UBL7: variants seen among roughly 807,000 people sequenced by gnomAD.
UBL7 encodes ubiquitin like 7, also known as ubiquitin-like protein 7.
Under a neutral mutation model 41.7 loss-of-function variants are expected in UBL7, and 21 were observed. That is an observed-to-expected ratio of 0.50 (90% confidence interval 0.36 to 0.73). The LOEUF (loss-of-function observed/expected upper bound fraction) is 0.73, where lower values mean the gene tolerates loss of function less well. UBL7 is among the 30% of genes least tolerant of loss of function. The pLI is 0.00. For synonymous variants in UBL7, 157 were observed against 186.9 expected (o/e 0.84, Z 1.31); for missense variants, 403 against 478.4 (o/e 0.84, Z 1.47).
intron 3 of UBL7, among the ~76,000 whole-genome samples, chr15:74,455,585 GATA>G (rs2061286282): frequency 6.6e-6 from 1 of 152,074 alleles, no homozygotes; most frequent in Non-Finnish European, 1.5e-5. Flanking sequence ...TGAGAACAAC[GATA>G]ATAACAAAAG....
In UBL7 at chr15:74,460,927, G is replaced by A. The variant is rs913399881; in HGVS notation, c.-30+110C>T. The A allele has an allele frequency of 7.8e-6, 9 of 1,147,896 alleles. No homozygotes were observed. In the Admixed American group the frequency reaches 1.3e-4, roughly 17 times the overall value. The allele number at this position is 1,147,896 out of a possible 1,614,324, so 71.1% of individuals were successfully genotyped here. A position where few individuals can be genotyped will look rare whatever the true frequency, so the allele number is the denominator to read the frequency against. On this transcript the variant is annotated intron_variant, in intron 1 of 10. Coordinates refer to ENST00000395081, the MANE Select transcript of UBL7 (RefSeq NM_032907.5). ...ATCCTCACAACGGTTCCCTAAGGCAGGCATTAGCCACATTTTAAAGATGAG... is the reference window on the plus strand; with the variant it reads ...ATCCTCACAACGGTTCCCTAAGGCAAGCATTAGCCACATTTTAAAGATGAG...
chr15:74,450,215 G>T lies in UBL7; in HGVS notation c.531-146C>A. ...AGTCTTTAGCATCTTCCACCAGGAA[G>T]CTTTATCCTCCTGCTGATCTGCCCC... On this transcript the variant is annotated intron_variant, in intron 6 of 10. Transcript: ENST00000395081. 5.7e-6 allele frequency: 6 copies of T among 1,056,928 alleles called. No individual in the cohort carries two copies. The South Asian group carries it at 1.1e-4, about 19-fold the overall frequency. 65.5% of individuals were successfully genotyped at this position (1,056,928 alleles called of 1,614,324 possible).
chr15:74,458,993 C>G, intron 1 of UBL7, 97 bp from the exon 2 acceptor site: 1 of 1,227,954 alleles, frequency 8.1e-7, no homozygotes, highest in East Asian at 2.4e-5. Context: ...TTCAATGTGA[C>G]ACTGTTGAAG....
At chr15:74,448,965 A>AG (rs2061213362) in intron 9 of UBL7, among the ~76,000 whole-genome samples, 2 of 152,256 alleles carry the variant, frequency 1.3e-5, no homozygotes, top group African/African-American at 2.4e-5. Context: ...CTGAACTAAT[A>AG]GGGGGGACTA....
intron 10 of UBL7, among the ~76,000 whole-genome samples, chr15:74,447,619 A>G (rs555958365): frequency 6.6e-6 from 1 of 152,262 alleles, no homozygotes; most frequent in East Asian, 1.9e-4. Context: ...AGGTGGGAGG[A>G]TCACCTGAGC....
In UBL7 at chr15:74,456,633, T is replaced by C. The variant is rs778056476; in HGVS notation, c.223A>G (p.Thr75Ala). 3.1e-6 allele frequency: 5 copies of C among 1,614,200 alleles called. No homozygotes were observed. The South Asian group carries it at 5.5e-5, about 18-fold the overall frequency. The change falls in exon 3 of 11, where the codon ACA (threonine) becomes GCA (alanine). Residue 75 changes from threonine to alanine, a missense_variant. By Grantham distance (58) the Thr-to-Ala change is moderately conservative. Coordinates refer to ENST00000395081, the MANE Select transcript of UBL7 (RefSeq NM_032907.5). ...YCGRKLKDDQ[T>A]LDFYGIQPGS... ...GGTTGAATGCCATAGAAGTCAAGTG[T>C]CTGGTCATCTTTTAGCTTCCGACCA...
intron 3 of UBL7, among the ~76,000 whole-genome samples, chr15:74,453,345 T>C (rs2061266930): frequency 6.6e-6 from 1 of 152,096 alleles, no homozygotes; most frequent in South Asian, 2.1e-4. Flanking sequence ...GAAATGAGAC[T>C]ACATCAAATA....
chr15:74,460,705 T>C (rs1596224319), intron 1 of UBL7: 1 of 1,289,250 alleles, frequency 7.8e-7, no homozygotes, highest in Non-Finnish European at 1.0e-6. Context: ...AATCAGAAAC[T>C]CTGACGGCGG....
intron 3 of UBL7, among the ~76,000 whole-genome samples, chr15:74,454,814 G>C (rs1197840995): frequency 6.6e-6 from 1 of 152,142 alleles, no homozygotes; most frequent in African/African-American, 2.4e-5. Flanking sequence ...TTTTATAATT[G>C]AGTATCTTAA....
chr15:74,446,064 C>T lies in UBL7; in HGVS notation c.*26G>A. The T allele has an allele frequency of 6.2e-7, 1 of 1,611,264 alleles. No homozygotes were observed. The highest frequency in any genetic ancestry group is 8.5e-7 in the Non-Finnish European group (1 of 1,178,526). ...CAAGGGCAGTAGCCTCTGCAACTTG[C>T]TGGGGGTTCAGGGGAAGCAGGGAGT... is the stretch of plus-strand genomic sequence containing the variant. On this transcript the variant is annotated 3_prime_UTR_variant, in exon 11 of 11. Transcript: ENST00000395081. The surrounding 1 kb of genome is among the most constrained non-coding windows in gnomAD (Gnocchi z 4.1).
chr15:74,451,463 C>G lies in UBL7; in HGVS notation c.445G>C (p.Gly149Arg). ...AGAGCAATAGGGTCACTGCTGAGGC[C>G]TGGGGTGGCCACAATGATCTGATCC... ...SLDQIIVATP[G>R]LSSDPIALGV... The change falls in exon 5 of 11, where the codon GGC becomes CGC. Residue 149 changes from glycine (G) to arginine (R), a missense_variant. By Grantham distance (125) the Gly-to-Arg change is moderately radical. Transcript: ENST00000395081. The G allele has an allele frequency of 6.2e-7, 1 of 1,614,126 alleles. No individual in the cohort carries two copies. Among genetic ancestry groups the G allele is most frequent in the Non-Finnish European group, 8.5e-7 (1 of 1,180,024 alleles).
chr15:74,447,321 C>G (rs1353254691), intron 10 of UBL7, among the ~76,000 whole-genome samples: 2 of 152,190 alleles, frequency 1.3e-5, no homozygotes, highest in African/African-American at 4.8e-5. Context: ...CAGACGTGAA[C>G]CAAACTGCTC....
chr15:74,452,669 A>G (rs570779946), intron 3 of UBL7, among the ~76,000 whole-genome samples: 9 of 152,338 alleles, frequency 5.9e-5, no homozygotes, highest in African/African-American at 1.4e-4. Flanking sequence ...TGCTCTGATC[A>G]ACATACCACT....
chr15:74,449,521 T>C, intron 8 of UBL7, 105 bp downstream of exon 8: 1 of 1,580,392 alleles, frequency 6.3e-7, no homozygotes, highest in East Asian at 2.2e-5. Flanking sequence ...CAATGGCGTA[T>C]GTCCATCTCC....
In UBL7 at chr15:74,446,003, G is replaced by GGGA. The variant is rs1567085512; in HGVS notation, c.*86_*87insTCC. On this transcript the variant is annotated 3_prime_UTR_variant, in exon 11 of 11. Transcript: ENST00000395081. The surrounding 1 kb of genome is among the most constrained non-coding windows in gnomAD (Gnocchi z 4.1). ...AGAGTTGACCATCAGGTATATTGGG[G>GGGA]AAGGGAGAGATGGAGGCACCTTCAT... 133 of 1,530,446 alleles carry GGGA rather than the reference G, an allele frequency of 8.7e-5. No individual in the cohort carries two copies. The highest frequency in any genetic ancestry group is 1.1e-4 in the Non-Finnish European group (125 of 1,131,518). The allele number at this position is 1,530,446 out of a possible 1,614,324, so 94.8% of individuals were successfully genotyped here. A position where few individuals can be genotyped will look rare whatever the true frequency, so the allele number is the denominator to read the frequency against.
chr15:74,451,898 G>T (rs550849579), intron 4 of UBL7, among the ~76,000 whole-genome samples: 1 of 151,930 alleles, frequency 6.6e-6, no homozygotes, highest in African/African-American at 2.4e-5. Flanking sequence ...TGTATATATC[G>T]CTAAGTTCAC....
Position 74,448,603 on chromosome 15 carries a change from A to G in UBL7, c.883-3T>C, listed in dbSNP as rs762292350. 1.2e-6 allele frequency: 2 copies of G among 1,613,844 alleles called. No individual in the cohort carries two copies. The highest frequency in any genetic ancestry group is 1.7e-6 in the Non-Finnish European group (2 of 1,179,818). ...GGTGAGGTCCCTGAGGAATGACCCT[A>G]GAGACAAATTAGTGGTCAGTGCCAC... On this transcript the variant is annotated splice_region_variant and splice_polypyrimidine_tract_variant and intron_variant, in intron 9 of 10. Transcript: ENST00000395081.
chr15:74,447,322 C>G (rs1377955308), intron 10 of UBL7, among the ~76,000 whole-genome samples: 1 of 152,198 alleles, frequency 6.6e-6, no homozygotes, highest in East Asian at 1.9e-4. Context: ...AGACGTGAAC[C>G]AAACTGCTCA....
In UBL7 at chr15:74,446,008, GAGAGAT is replaced by G; in HGVS notation, c.*76_*81del. The G allele has an allele frequency of 6.5e-7, 1 of 1,545,328 alleles. No homozygotes were observed. ...TGACCATCAGGTATATTGGGGAAGG[GAGAGAT>G]GGAGGCACCTTCATGAGTGCCTCCC... On this transcript the variant is annotated 3_prime_UTR_variant, in exon 11 of 11. Transcript: ENST00000395081. This position sits in a 1 kb window ranked among gnomAD's most constrained non-coding sequence, Gnocchi z 4.1.
Sources: gnomAD v4.1 joint callset for allele counts (sites outside exome capture counted in the v4.1 genomes callset) on GRCh38, gnomAD v4.1.1 for gene constraint, Gnocchi (gnomAD v3.1) non-coding constraint, MANE v1.5 for transcripts, NCBI Gene and HGNC (gene_info 2026-07-23, HGNC 2026-07-21) for gene names.